Variants in ATF7IP observed in about 807,000 individuals in gnomAD.
ATF7IP encodes the protein activating transcription factor 7-interacting protein 1.
A neutral mutation model predicts 106.4 loss-of-function variants in ATF7IP; 23 were observed. The observed-to-expected ratio is 0.22, with a 90% CI of 0.16 to 0.31. The LOEUF (loss-of-function observed/expected upper bound fraction) is 0.31, where lower values mean the gene tolerates loss of function less well. ATF7IP is among the 10% of genes least tolerant of loss of function. ATF7IP has a pLI of 1.00. For missense variants in ATF7IP, 1,334 were observed against 1,524.3 expected, an observed-to-expected ratio of 0.88 and a Z score of 2.08; for synonymous variants, 542 against 539.0, an observed-to-expected ratio of 1.01 and a Z score of -0.08.
intron 10 of ATF7IP, among the ~76,000 whole-genome samples, chr12:14,470,273 G>C (rs748418922): frequency 1.3e-5 from 2 of 152,094 alleles, no homozygotes; most frequent in Non-Finnish European, 2.9e-5. Context: ...CAATATGTTT[G>C]CTCTCTTGAA....
At chr12:14,411,301 T>C (rs550470201) in intron 1 of ATF7IP, among the ~76,000 whole-genome samples, 1 of 152,332 alleles carries the variant, frequency 6.6e-6, no homozygotes, top group East Asian at 1.9e-4. Flanking sequence ...TTCTTGTTGA[T>C]TATAGCTGTC....
chr12:14,441,693 G>C (rs185144881), intron 5 of ATF7IP, among the ~76,000 whole-genome samples: 1 of 152,104 alleles, frequency 6.6e-6, no homozygotes, highest in Non-Finnish European at 1.5e-5. Flanking sequence ...GTTTCACCAT[G>C]TTAGCCAGGA....
chr12:14,425,342 G>C lies in ATF7IP; in HGVS notation c.1427G>C (p.Gly476Ala). The C allele has an allele frequency of 1.2e-6, 2 of 1,612,648 alleles. No homozygotes were observed. Among genetic ancestry groups the C allele is most frequent in the Non-Finnish European group, 8.5e-7 (1 of 1,179,642 alleles). Residue 476 changes from glycine (G) to alanine (A), a missense_variant, in exon 2 of 15, where the codon GGT (glycine) becomes GCT (alanine). Physicochemically the swap from Gly to Ala is moderately conservative, Grantham distance 60 (BLOSUM62 0). Transcript: ENST00000261168. ...DLEEKMESSFGSPSKQESSES... is the reference protein window; with the variant it reads ...DLEEKMESSFASPSKQESSES... ...GAAGAGAAAATGGAAAGTTCTTTTG[G>C]TTCACCATCTAAACAAGAAAGTAGT...
In ATF7IP at chr12:14,436,164, A is replaced by G; in HGVS notation, c.1704A>G (p.Lys568=). The G allele has an allele frequency of 6.2e-7, 1 of 1,613,822 alleles. No individual in the cohort carries two copies. Among genetic ancestry groups the G allele is most frequent in the Non-Finnish European group, 8.5e-7 (1 of 1,179,824 alleles). ...KSEDMDNVQS[K]RRRYMEEEYE... The stretch of plus-strand genomic sequence containing the variant: ...AAGACATGGACAATGTACAGTCTAA[A>G]CGTCGTCGATATATGGAAGAAGAAT... Residue 568 remains lysine, a synonymous_variant, in exon 4 of 15, where the codon AAA becomes AAG. Transcript: ENST00000261168.
At chr12:14,401,100 T>G (rs1237995175) in intron 1 of ATF7IP, among the ~76,000 whole-genome samples, 2 of 152,310 alleles carry the variant, frequency 1.3e-5, no homozygotes, top group East Asian at 3.9e-4. Context: ...TTTATATTAT[T>G]TTATGTCTAG....
chr12:14,384,140 G>C (rs1939113450), intron 1 of ATF7IP, among the ~76,000 whole-genome samples: 2 of 152,070 alleles, frequency 1.3e-5, no homozygotes, highest in African/African-American at 4.8e-5. Context: ...AAGTCATAGG[G>C]CCAATCTCCT....
At chr12:14,411,712 G>A (rs181240363) in intron 1 of ATF7IP, among the ~76,000 whole-genome samples, 46 of 151,968 alleles carry the variant, frequency 3.0e-4, no homozygotes, top group Middle Eastern at 3.4e-3. Context: ...AAGTATTTTC[G>A]TCCATTGTGT....
At chr12:14,409,078 A>G (rs1284493402) in intron 1 of ATF7IP, among the ~76,000 whole-genome samples, 1 of 152,082 alleles carries the variant, frequency 6.6e-6, no homozygotes, top group East Asian at 1.9e-4. Flanking sequence ...AAAATGTATT[A>G]ATTTTCCCTG....
At chr12:14,494,746 A>G (rs1186156140) in intron 13 of ATF7IP, among the ~76,000 whole-genome samples, 1 of 151,388 alleles carries the variant, frequency 6.6e-6, no homozygotes, top group Non-Finnish European at 1.5e-5. Context: ...GAGCCTGGCC[A>G]ACATCGTGAA....
At chr12:14,394,962 T>C (rs181955754) in intron 1 of ATF7IP, 6 of 152,332 alleles carry the variant, frequency 3.9e-5, no homozygotes, top group Admixed American at 2.0e-4. Flanking sequence ...CTGTGTGTTC[T>C]GTGAGCTTCA....
At chr12:14,475,794 C>CAGCCATTTAGGGGTCCAAAATGAG in intron 10 of ATF7IP, 96 bp from the exon 11 acceptor site, 1 of 864,746 alleles carries the variant, frequency 1.2e-6, no homozygotes, top group East Asian at 2.7e-5. Context: ...AACCAGGTTA[C>CAGCCATTTAGGGGTCCAAAATGAG]TCATTAGTCT....
chr12:14,389,797 TTG>T (rs1394277015), intron 1 of ATF7IP, among the ~76,000 whole-genome samples: 2 of 152,150 alleles, frequency 1.3e-5, no homozygotes, highest in Non-Finnish European at 2.9e-5. Context: ...CCGGCTAATT[TTG>T]TATTTTTAGT....
intron 7 of ATF7IP, 86 bp downstream of exon 7, chr12:14,456,720 AT>A: frequency 1.1e-6 from 1 of 938,914 alleles, no homozygotes; most frequent in South Asian, 1.5e-5. Flanking sequence ...CAGTGTAATC[AT>A]GGTATTTATG....
At chr12:14,489,370 C>CT (rs1302644778) in intron 13 of ATF7IP, among the ~76,000 whole-genome samples, 2 of 152,164 alleles carry the variant, frequency 1.3e-5, no homozygotes, top group Admixed American at 6.5e-5. Context: ...AGGTGGCAAT[C>CT]TTAAGTTCCA....
chr12:14,480,931 A>T, intron 12 of ATF7IP, 72 bp from the exon 13 acceptor site: 1 of 1,325,272 alleles, frequency 7.5e-7, no homozygotes, highest in Non-Finnish European at 1.0e-6. Context: ...TGCAAAGATA[A>T]CTGCCATTTA....
intron 1 of ATF7IP, among the ~76,000 whole-genome samples, chr12:14,413,099 G>A (rs1941010353): frequency 6.6e-6 from 1 of 152,194 alleles, no homozygotes; most frequent in Admixed American, 6.5e-5. Flanking sequence ...ATGCTGACTA[G>A]AAATGGTGAG....
intron 1 of ATF7IP, among the ~76,000 whole-genome samples, chr12:14,400,569 A>T (rs965540038): frequency 6.7e-6 from 1 of 149,958 alleles, no homozygotes; most frequent in East Asian, 1.9e-4. Context: ...TTTCTCAGAG[A>T]TTTTTTTTTT....
intron 1 of ATF7IP, among the ~76,000 whole-genome samples, chr12:14,397,114 A>G (rs1257068010): frequency 6.6e-6 from 1 of 152,188 alleles, no homozygotes; most frequent in Non-Finnish European, 1.5e-5. Flanking sequence ...GTAAGCCAAG[A>G]TCGCACCATT....
intron 2 of ATF7IP, among the ~76,000 whole-genome samples, chr12:14,433,527 G>A (rs959164524): frequency 1.3e-5 from 2 of 151,724 alleles, no homozygotes; most frequent in Non-Finnish European, 2.9e-5. Context: ...CAAATTAGCC[G>A]GATGTAGTGG....
Sources: allele counts gnomAD v4.1 joint callset (sites outside exome capture counted in the v4.1 genomes callset), GRCh38; gene constraint gnomAD v4.1.1; transcripts MANE v1.5; gene names NCBI Gene and HGNC (gene_info 2026-07-23, HGNC 2026-07-21).